Variants in RPTOR observed in about 807,000 individuals in gnomAD.
The protein encoded by RPTOR is regulatory-associated protein of mTOR.
Under a neutral mutation model 169.9 loss-of-function variants are expected in RPTOR, and 21 were observed. The ratio of observed to expected loss-of-function variants is 0.12; its 90% CI spans 0.09 to 0.18. The LOEUF (loss-of-function observed/expected upper bound fraction) is 0.18. RPTOR is among the 10% of genes least tolerant of loss of function. The pLI is 1.00. For synonymous variants in RPTOR, 732 were observed against 753.2 expected, an observed-to-expected ratio of 0.97 and a Z score of 0.46; for missense variants, 1,133 against 1,855.9, an observed-to-expected ratio of 0.61 and a Z score of 7.16.
At chr17:80,733,196 C>T (rs2066406454) in intron 5 of RPTOR, among the ~76,000 whole-genome samples, 1 of 152,114 alleles carries the variant, frequency 6.6e-6, no homozygotes, top group Non-Finnish European at 1.5e-5. Context: ...TTCATCAAAG[C>T]ACAGATACAG....
chr17:80,802,636 T>C (rs545487991), intron 7 of RPTOR: 1 of 152,004 alleles, frequency 6.6e-6, no homozygotes, highest in South Asian at 2.1e-4. Flanking sequence ...TGTGTCTGGA[T>C]ATCTCTAAAG....
At chr17:80,943,421 G>A (rs1173645765) in intron 25 of RPTOR, among the ~76,000 whole-genome samples, 1 of 152,242 alleles carries the variant, frequency 6.6e-6, no homozygotes, top group African/African-American at 2.4e-5. Context: ...GGTTTATTGG[G>A]TGAGAAGGAA....
intron 3 of RPTOR, among the ~76,000 whole-genome samples, chr17:80,681,664 G>GAATTTCATTTGATTCTTAAA (rs1567854344): frequency 1.4e-3 from 91 of 66,156 alleles, no homozygotes; most frequent in African/African-American, 4.2e-3. Flanking sequence ...TTCATGAGGT[G>GAATTTCATTTGATTCTTAAA]TACGTCTCTT....
At chr17:80,665,981 C>T (rs115266404) in intron 3 of RPTOR, among the ~76,000 whole-genome samples, 155 of 152,266 alleles carry the variant, frequency 1.0e-3, no homozygotes, top group African/African-American at 3.6e-3. Flanking sequence ...TGCCTGTGCC[C>T]GTGTATCCTG....
intron 1 of RPTOR, among the ~76,000 whole-genome samples, chr17:80,598,168 T>C (rs985799145): frequency 7.3e-5 from 11 of 151,660 alleles, no homozygotes; most frequent in Non-Finnish European, 1.5e-4. Context: ...CTGCTTGAGA[T>C]GTGGGGCGTG....
chr17:80,652,991 T>A (rs549914140), intron 3 of RPTOR, among the ~76,000 whole-genome samples: 1 of 152,354 alleles, frequency 6.6e-6, no homozygotes, highest in Non-Finnish European at 1.5e-5. Flanking sequence ...ATTTCCCTGA[T>A]GATTAGTGAT....
intron 1 of RPTOR, among the ~76,000 whole-genome samples, chr17:80,584,876 G>A (rs1224473852): frequency 6.6e-6 from 1 of 152,198 alleles, no homozygotes; most frequent in Non-Finnish European, 1.5e-5. Context: ...GATCTTGGAT[G>A]TGTTGGGTAT....
rs958142115 is a variant in RPTOR at position 80,673,195 on chromosome 17, G to A, written c.348+29385G>A. On this transcript the variant is annotated intron_variant, in intron 3 of 33. Transcript: ENST00000306801. ...GCCTCCCCAAAGTGCTGGGATTATA[G>A]GTGTGAGCCGCCACGCCCAGCCCTC... is the stretch of plus-strand genomic sequence containing the variant. Among the ~76,000 whole-genome samples, 3 of 152,302 alleles carry A rather than the reference G, an allele frequency of 2.0e-5. No homozygotes were observed. The East Asian group carries it at 5.8e-4, about 29-fold the overall frequency.
At chr17:80,923,255 G>T (rs1423878633) in intron 22 of RPTOR, among the ~76,000 whole-genome samples, 1 of 152,184 alleles carries the variant, frequency 6.6e-6, no homozygotes, top group African/African-American at 2.4e-5. Context: ...CTCCCAGGGT[G>T]CTGGAGTTCA....
intron 13 of RPTOR, among the ~76,000 whole-genome samples, chr17:80,867,251 A>T (rs1267370860): frequency 1.3e-5 from 2 of 152,200 alleles, no homozygotes; most frequent in African/African-American, 4.8e-5. Flanking sequence ...TTATTTTTAA[A>T]GAGAGAAAAG....
At position 80,602,186 on chromosome 17, in the gene RPTOR, C is replaced by T. The variant is rs1426309884; in HGVS notation, c.163-23505C>T. Among the ~76,000 whole-genome samples, 18 of 67,314 alleles carry T rather than the reference C, an allele frequency of 2.7e-4. 7 individuals carry two copies. Among genetic ancestry groups the T allele is most frequent in the Middle Eastern group, 0.019 (2 of 108 alleles). 44.2% of individuals were successfully genotyped at this position (67,314 alleles called of 152,430 possible). On this transcript the variant is annotated intron_variant, in intron 1 of 33. Coordinates refer to ENST00000306801, the MANE Select transcript of RPTOR (RefSeq NM_020761.3). Reference sequence around the variant, plus strand: ...TCACCTCCTGGGCAGGGCGGCTGGCCGGGCGGGGGGCTGACCCCCCCACCT... The same window carrying T: ...TCACCTCCTGGGCAGGGCGGCTGGCTGGGCGGGGGGCTGACCCCCCCACCT...
chr17:80,771,019 G>T (rs1271465718), intron 6 of RPTOR, among the ~76,000 whole-genome samples: 1 of 152,220 alleles, frequency 6.6e-6, no homozygotes, highest in African/African-American at 2.4e-5. Context: ...GAACCATCGA[G>T]GTGATCGCTG....
intron 13 of RPTOR, among the ~76,000 whole-genome samples, chr17:80,862,606 C>T (rs9909917): frequency 1.5e-3 from 214 of 145,656 alleles, no homozygotes; most frequent in African/African-American, 5.5e-3. Context: ...GGAGCTCCGC[C>T]CACCATGATG....
At chr17:80,811,832 C>G (rs906412811) in intron 7 of RPTOR, among the ~76,000 whole-genome samples, 20 of 129,754 alleles carry the variant, frequency 1.5e-4, no homozygotes, top group African/African-American at 5.1e-4. Flanking sequence ...CAGCCACAGC[C>G]TCTCCAACAA....
intron 7 of RPTOR, among the ~76,000 whole-genome samples, chr17:80,811,961 C>T (rs1366342403): frequency 4.6e-5 from 7 of 151,908 alleles, no homozygotes; most frequent in Admixed American, 3.3e-4. Context: ...CCTCACTCCA[C>T]CCGTGGGACA....
intron 1 of RPTOR, among the ~76,000 whole-genome samples, chr17:80,574,669 T>G (rs1046408971): frequency 2.0e-5 from 3 of 152,042 alleles, no homozygotes; most frequent in African/African-American, 7.2e-5. Flanking sequence ...TGTTGTTGTT[T>G]TTTTGAGACA....
chr17:80,858,430 C>T (rs767348712), intron 13 of RPTOR, among the ~76,000 whole-genome samples: 108 of 152,384 alleles, frequency 7.1e-4, no homozygotes, highest in Middle Eastern at 3.4e-3. Context: ...CTCTGACGGG[C>T]ATCAGCCCTG....
chr17:80,848,805 G>C (rs997059610), intron 11 of RPTOR, among the ~76,000 whole-genome samples: 11 of 152,350 alleles, frequency 7.2e-5, no homozygotes, highest in Admixed American at 5.2e-4. Context: ...TAATCTTTTT[G>C]TAAATGGCCT....
chr17:80,917,259 C>T (rs1358988191), intron 21 of RPTOR, among the ~76,000 whole-genome samples: 5 of 151,918 alleles, frequency 3.3e-5, no homozygotes, highest in Non-Finnish European at 4.4e-5. Context: ...ATTACAGGCA[C>T]GCGCTACCAT....
Sources: allele counts gnomAD v4.1 joint callset (sites outside exome capture counted in the v4.1 genomes callset), GRCh38; gene constraint gnomAD v4.1.1; transcripts MANE v1.5; gene names NCBI Gene and HGNC (gene_info 2026-07-23, HGNC 2026-07-21).